PRUNE2: variants seen among roughly 807,000 people sequenced by gnomAD.
PRUNE2 encodes the protein protein prune homolog 2.
In PRUNE2, 164 loss-of-function variants were observed where a neutral mutation model predicts 252.0. The observed-to-expected ratio is 0.65, with a 90% CI of 0.57 to 0.74. The LOEUF is 0.74. Among genes scored for constraint, PRUNE2 ranks in the 30% least tolerant of loss-of-function variants. The pLI is 0.00. For missense variants in PRUNE2, 3,495 were observed against 3,711.0 expected, an observed-to-expected ratio of 0.94 and a Z score of 1.51; for synonymous variants, 1,292 against 1,350.2, an observed-to-expected ratio of 0.96 and a Z score of 0.94.
At position 76,636,572 on chromosome 9, in the gene PRUNE2, G is replaced by T; in HGVS notation, c.8964-15C>A. 1 of 1,361,270 alleles carries T rather than the reference G, an allele frequency of 7.3e-7. No homozygotes were observed. The highest frequency in any genetic ancestry group is 1.0e-6 in the Non-Finnish European group (1 of 980,312). 84.3% of individuals were successfully genotyped at this position (1,361,270 alleles called of 1,614,324 possible). On this transcript the variant is annotated splice_polypyrimidine_tract_variant and intron_variant, in intron 14 of 18. Coordinates refer to ENST00000376718, the MANE Select transcript of PRUNE2 (RefSeq NM_015225.3). ...TCTTCCTCAACCTATTTTGAAAAAAGAAAAAAAATACATTACTCTTAACCC... is the reference window on the plus strand; with the variant it reads ...TCTTCCTCAACCTATTTTGAAAAAATAAAAAAAATACATTACTCTTAACCC...
intron 6 of PRUNE2, among the ~76,000 whole-genome samples, chr9:76,807,051 T>TGTGTGTGC (rs60768420): frequency 3.2e-4 from 45 of 139,454 alleles, no homozygotes; most frequent in African/African-American, 1.1e-3. Context: ...TGTGTGTGTG[T>TGTGTGTGC]GCGCGCGCGC....
At chr9:76,746,835 C>T (rs955127015) in intron 6 of PRUNE2, among the ~76,000 whole-genome samples, 2 of 152,112 alleles carry the variant, frequency 1.3e-5, no homozygotes, top group East Asian at 1.9e-4. Context: ...GGAGCTCACA[C>T]CCCTTCTCAC....
intron 1 of PRUNE2, among the ~76,000 whole-genome samples, chr9:76,902,900 T>G (rs753155847): frequency 5.3e-5 from 8 of 152,124 alleles, no homozygotes; most frequent in Non-Finnish European, 1.0e-4. Context: ...AAAGGGAGAT[T>G]TAGGGAAAAG....
chr9:76,670,102 C>G (rs2041033359), intron 9 of PRUNE2, among the ~76,000 whole-genome samples: 2 of 152,194 alleles, frequency 1.3e-5, no homozygotes, highest in South Asian at 4.1e-4. Context: ...GTGAGCGACG[C>G]AGAAGATGGG....
rs371561946 is a variant in PRUNE2, at chr9:76,706,566, G to A, written c.5708C>T (p.Ser1903Phe). 3 of 1,613,952 alleles carry A rather than the reference G, an allele frequency of 1.9e-6. No homozygotes were observed. Among genetic ancestry groups the A allele is most frequent in the East Asian group, 4.5e-5 (2 of 44,860 alleles). The change falls in exon 8 of 19, where the codon TCC becomes TTC. Residue 1903 changes from serine (S) to phenylalanine (F), a missense_variant. Ser to Phe is a radical substitution (Grantham distance 155). Transcript: ENST00000376718. ...SPFLEGNGKN[S>F]HEQLWNIQPR... is the part of the protein sequence containing the mutation. The stretch of plus-strand genomic sequence containing the variant: ...TTGAATGTTCCAGAGTTGCTCATGG[G>A]AGTTCTTCCCATTACCTTCCAGAAA...
At chr9:76,788,816 G>A (rs2055278201) in intron 6 of PRUNE2, among the ~76,000 whole-genome samples, 1 of 152,114 alleles carries the variant, frequency 6.6e-6, no homozygotes, top group African/African-American at 2.4e-5. Flanking sequence ...AAACAGGTCT[G>A]GTTCATGGAA....
At chr9:76,807,020 A>ATGTGTGTGTG (rs1554779764) in intron 6 of PRUNE2, among the ~76,000 whole-genome samples, 1,921 of 140,474 alleles carry the variant, frequency 0.014, 44 homozygotes, top group African/African-American at 0.044. Flanking sequence ...ACCTCATACA[A>ATGTGTGTGTG]TGTGTGTGTG....
chr9:76,794,717 G>T (rs2055914089), intron 6 of PRUNE2, among the ~76,000 whole-genome samples: 1 of 151,890 alleles, frequency 6.6e-6, no homozygotes. Context: ...TCACCATTTA[G>T]TAGCTGTCCG....
intron 9 of PRUNE2, among the ~76,000 whole-genome samples, chr9:76,693,941 C>G (rs192145610): frequency 1.3e-5 from 2 of 152,162 alleles, no homozygotes; most frequent in Non-Finnish European, 2.9e-5. Context: ...GGGTCACTGG[C>G]TGTCAGAGGT....
At chr9:76,776,893 T>TACACACACACAC (rs541232508) in intron 6 of PRUNE2, among the ~76,000 whole-genome samples, 12 of 115,670 alleles carry the variant, frequency 1.0e-4, no homozygotes, top group South Asian at 3.0e-4. Flanking sequence ...CCAAAACACA[T>TACACACACACAC]ACACACACAC....
chr9:76,846,107 A>G (rs1234862395), intron 4 of PRUNE2, among the ~76,000 whole-genome samples: 1 of 152,248 alleles, frequency 6.6e-6, no homozygotes, highest in Non-Finnish European at 1.5e-5. Flanking sequence ...CCATCCAAAC[A>G]GTATGGTATA....
chr9:76,765,200 T>C (rs1291692376), intron 6 of PRUNE2, among the ~76,000 whole-genome samples: 1 of 151,970 alleles, frequency 6.6e-6, no homozygotes, highest in Non-Finnish European at 1.5e-5. Flanking sequence ...AATTCCAACA[T>C]GTAGAAGTTA....
At chr9:76,902,237 T>G (rs1020451210) in intron 1 of PRUNE2, among the ~76,000 whole-genome samples, 6 of 152,202 alleles carry the variant, frequency 3.9e-5, no homozygotes, top group Admixed American at 3.9e-4. Context: ...TTTCCTGAGC[T>G]GACCACTATG....
At chr9:76,866,579 C>T (rs2060850418) in intron 1 of PRUNE2, among the ~76,000 whole-genome samples, 1 of 152,146 alleles carries the variant, frequency 6.6e-6, no homozygotes, top group Admixed American at 6.5e-5. Flanking sequence ...AACTTTAGCC[C>T]TTTTTGCAAA....
intron 9 of PRUNE2, among the ~76,000 whole-genome samples, chr9:76,671,427 T>C (rs1036116804): frequency 6.6e-6 from 1 of 150,638 alleles, no homozygotes; most frequent in Non-Finnish European, 1.5e-5. Context: ...CTACGTCTGA[T>C]TGGTGTACCT....
At chr9:76,751,813 C>T (rs911496709) in intron 6 of PRUNE2, among the ~76,000 whole-genome samples, 5 of 152,146 alleles carry the variant, frequency 3.3e-5, no homozygotes, top group Admixed American at 1.3e-4. Context: ...ACATTCTTTA[C>T]CAAAGTCTAA....
At chr9:76,751,033 T>C (rs557548011) in intron 6 of PRUNE2, among the ~76,000 whole-genome samples, 5 of 152,356 alleles carry the variant, frequency 3.3e-5, no homozygotes, top group African/African-American at 1.2e-4. Context: ...AGGCTCCTGC[T>C]GTATCAATTT....
At chr9:76,878,022 G>A (rs184652548) in intron 1 of PRUNE2, among the ~76,000 whole-genome samples, 11 of 152,322 alleles carry the variant, frequency 7.2e-5, no homozygotes, top group African/African-American at 2.6e-4. Context: ...GCAGAGGTAG[G>A]AATCAATAGC....
intron 4 of PRUNE2, among the ~76,000 whole-genome samples, chr9:76,829,649 C>T (rs761900461): frequency 7.2e-5 from 11 of 152,132 alleles, no homozygotes; most frequent in Non-Finnish European, 1.6e-4. Context: ...TGGACCTATA[C>T]CAACCCCTGC....
Sources: allele counts gnomAD v4.1 joint callset (sites outside exome capture counted in the v4.1 genomes callset), GRCh38; gene constraint gnomAD v4.1.1; transcripts MANE v1.5; gene names NCBI Gene and HGNC (gene_info 2026-07-23, HGNC 2026-07-21).